The following OC90 variants were observed in gnomAD, a reference collection of about 807,000 sequenced individuals.
OC90 encodes otoconin-90.
A neutral mutation model predicts 47.3 loss-of-function variants in OC90; 46 were observed. The observed-to-expected ratio is 0.97, with a 90% CI of 0.77 to 1.24. OC90 has a LOEUF of 1.24. OC90 is among the 50% of genes most tolerant of loss of function. The pLI is 0.00. For synonymous variants in OC90, 271 were observed against 219.5 expected (o/e 1.23, Z -2.07); for missense variants, 688 against 583.9 (o/e 1.18, Z -1.84).
intron 11 of OC90, 132 bp downstream of exon 11, chr8:132,032,907 G>A: frequency 1.9e-6 from 2 of 1,031,894 alleles, no homozygotes; most frequent in Non-Finnish European, 2.7e-6. Flanking sequence ...TGCTCATGCA[G>A]TCAGGGGGAT....
intron 1 of OC90, among the ~76,000 whole-genome samples, chr8:132,055,696 T>C (rs1823271950): frequency 6.6e-6 from 1 of 152,184 alleles, no homozygotes; most frequent in African/African-American, 2.4e-5. Context: ...CCTCGGCTTT[T>C]GAGTATTTCG....
At chr8:132,028,563 A>AAAGAAAGAAAGG (rs1354516292) in intron 13 of OC90, among the ~76,000 whole-genome samples, 1,627 of 30,512 alleles carry the variant, frequency 0.053, 13 homozygotes, top group Non-Finnish European at 0.06. Context: ...AGAAAGAAAG[A>AAAGAAAGAAAGG]AAGGAAGGAA....
chr8:132,047,636 A>T (rs1019189758), intron 2 of OC90, among the ~76,000 whole-genome samples: 3 of 62,410 alleles, frequency 4.8e-5, no homozygotes, highest in Admixed American at 1.8e-4. Flanking sequence ...GGGAGATTTT[A>T]AAAAAATAAG....
intron 2 of OC90, among the ~76,000 whole-genome samples, chr8:132,048,309 A>T (rs1823162334): frequency 6.6e-6 from 1 of 152,204 alleles, no homozygotes; most frequent in African/African-American, 2.4e-5. Flanking sequence ...AAGGGTAAAT[A>T]TATTTTTCTT....
rs1822731963 is a variant in OC90, at chr8:132,024,776, C to T, written c.1139G>A (p.Cys380Tyr). Residue 380 changes from cysteine to tyrosine, a missense_variant and splice_region_variant, in exon 14 of 14, where the codon TGT (cysteine) becomes TAT (tyrosine). Physicochemically the swap from Cys to Tyr is radical, Grantham distance 194. Coordinates refer to ENST00000254627, the MANE Select transcript of OC90 (RefSeq NM_001080399.3). ...PVVCVDHTPK[C>Y]GGQSLCEKLL... The stretch of plus-strand genomic sequence containing the variant: ...CTTCTCACACAGGCTTTGGCCCCCA[C>T]CTTAGAAGGAAAGAGCAGAGTAGAA... The T allele has an allele frequency of 1.2e-6, 2 of 1,610,258 alleles. No homozygotes were observed. Among genetic ancestry groups the T allele is most frequent in the Non-Finnish European group, 1.7e-6 (2 of 1,177,876 alleles).
At chr8:132,039,189 C>T in intron 6 of OC90, 66 bp from the exon 7 acceptor site, 10 of 1,527,450 alleles carry the variant, frequency 6.5e-6, no homozygotes, top group Non-Finnish European at 8.9e-6. Flanking sequence ...GTAATGCAAG[C>T]TCCAAGACTG....
intron 12 of OC90, among the ~76,000 whole-genome samples, chr8:132,031,529 T>G (rs1822873856): frequency 6.6e-6 from 1 of 152,194 alleles, no homozygotes. Flanking sequence ...GCAAATTAGG[T>G]GGACTTGGGG....
chr8:132,042,461 C>T (rs1823068082), intron 4 of OC90, among the ~76,000 whole-genome samples: 1 of 152,036 alleles, frequency 6.6e-6, no homozygotes, highest in African/African-American at 2.4e-5. Context: ...GGCTCGGGGT[C>T]CCAACAATCC....
At chr8:132,036,426 C>T (rs372970031) in intron 9 of OC90, 13 of 780,604 alleles carry the variant, frequency 1.7e-5, no homozygotes, top group Admixed American at 5.1e-5. Flanking sequence ...CCACTGTGAA[C>T]AGAAATCACC....
At chr8:132,034,220 A>C (rs1266699438) in intron 10 of OC90, among the ~76,000 whole-genome samples, 1 of 152,254 alleles carries the variant, frequency 6.6e-6, no homozygotes, top group Non-Finnish European at 1.5e-5. Flanking sequence ...TTAGCTATGT[A>C]CTAGATACAT....
intron 6 of OC90, among the ~76,000 whole-genome samples, chr8:132,040,162 T>C (rs1013351364): frequency 6.6e-6 from 1 of 152,204 alleles, no homozygotes; most frequent in Non-Finnish European, 1.5e-5. Flanking sequence ...CAATTCCTCC[T>C]TGATGCTCCA....
At chr8:132,052,784 C>T (rs148429297) in intron 2 of OC90, among the ~76,000 whole-genome samples, 1 of 152,328 alleles carries the variant, frequency 6.6e-6, no homozygotes, top group East Asian at 1.9e-4. Flanking sequence ...GTTCCAGGAG[C>T]AGGACACTGC....
In OC90 at chr8:132,044,545, C is replaced by T. The variant is rs1174745844; in HGVS notation, c.113-56G>A. 3.2e-6 allele frequency: 3 copies of T among 929,702 alleles called. No individual in the cohort carries two copies. The African/African-American group carries it at 4.9e-5, about 15-fold the overall frequency. The allele number at this position is 929,702 out of a possible 1,614,324, so 57.6% of individuals were successfully genotyped here. A position where few individuals can be genotyped will look rare whatever the true frequency, so the allele number is the denominator to read the frequency against. On this transcript the variant is annotated intron_variant, in intron 3 of 13. Transcript: ENST00000254627. ...CTTGGTTTTTCCTTTTTTTCACTTCCCTGTCCACCCTCTAGGTAAAGTGTA... is the reference window on the plus strand; with the variant it reads ...CTTGGTTTTTCCTTTTTTTCACTTCTCTGTCCACCCTCTAGGTAAAGTGTA...
At chr8:132,053,337 T>C (rs190885688) in intron 2 of OC90, among the ~76,000 whole-genome samples, 5 of 152,324 alleles carry the variant, frequency 3.3e-5, no homozygotes, top group African/African-American at 1.2e-4. Flanking sequence ...TATATTGATA[T>C]ATGTATATAC....
Position 132,028,825 on chromosome 8 carries a change from G to A in OC90, c.1138+248C>T, listed in dbSNP as rs200533227. On this transcript the variant is annotated intron_variant, in intron 13 of 13. Coordinates refer to ENST00000254627, the MANE Select transcript of OC90 (RefSeq NM_001080399.3). ...AAAGAAAGAAAGAAAGAAAGAAAAA[G>A]AAAGAAAGAAAGAAAAGGAAAGAAG... is the stretch of plus-strand genomic sequence containing the variant. Among the ~76,000 whole-genome samples, 64 of 126,754 alleles carry A rather than the reference G, an allele frequency of 5.0e-4. 1 individual carries two copies. The highest frequency in any genetic ancestry group is 7.2e-4 in the Admixed American group (8 of 11,086). The allele number at this position is 126,754 out of a possible 152,430, so 83.2% of individuals were successfully genotyped here. A position where few individuals can be genotyped will look rare whatever the true frequency, so the allele number is the denominator to read the frequency against.
intron 10 of OC90, among the ~76,000 whole-genome samples, chr8:132,033,973 G>A (rs571280915): frequency 6.6e-6 from 1 of 152,274 alleles, no homozygotes; most frequent in African/African-American, 2.4e-5. Context: ...TTTGCTTCGT[G>A]CATCTGGTCA....
At chr8:132,049,893 C>G in intron 2 of OC90, 1 of 502,488 alleles carries the variant, frequency 2.0e-6, no homozygotes, top group Non-Finnish European at 4.1e-6. Flanking sequence ...AGACGTGTGC[C>G]AATTCCATTA....
rs1823053588 is a variant in OC90, at chr8:132,041,580, A to C, written c.289T>G (p.Tyr97Asp). 6.2e-7 allele frequency: 1 copy of C among 1,613,154 alleles called. No homozygotes were observed. Among genetic ancestry groups the C allele is most frequent in the Non-Finnish European group, 8.5e-7 (1 of 1,179,646 alleles). The change falls in exon 5 of 14, where the codon TAT becomes GAT. Residue 97 changes from tyrosine to aspartate, a missense_variant. By Grantham distance (160) the Tyr-to-Asp change is radical (BLOSUM62 -3). Transcript: ENST00000254627. ...AGLCPRDFEDYGCTCRFEMEG... is the reference protein window; with the variant it reads ...AGLCPRDFEDDGCTCRFEMEG... ...ATCTCAAACCTGCAGGTGCAACCAT[A>C]GTCTTCAAAGTCTCGGGGGCAGAGA...
chr8:132,031,391 G>T (rs1322144661), intron 12 of OC90, among the ~76,000 whole-genome samples: 2 of 152,206 alleles, frequency 1.3e-5, no homozygotes, highest in Non-Finnish European at 2.9e-5. Context: ...TCTTTCAAGA[G>T]TGGTACACAT....
Sources: allele counts gnomAD v4.1 joint callset (sites outside exome capture counted in the v4.1 genomes callset), GRCh38; gene constraint gnomAD v4.1.1; transcripts MANE v1.5; gene names NCBI Gene and HGNC (gene_info 2026-07-23, HGNC 2026-07-21).